MAML2: variants seen among roughly 807,000 people sequenced by gnomAD.
The protein encoded by MAML2 is mastermind-like protein 2.
MAML2 carries 22 observed loss-of-function variants against 96.1 expected under a neutral mutation model. The observed-to-expected ratio is 0.23, with a 90% CI of 0.16 to 0.33. The LOEUF (loss-of-function observed/expected upper bound fraction) is 0.33, where lower values mean the gene tolerates loss of function less well. Among genes scored for constraint, MAML2 ranks in the 10% least tolerant of loss-of-function variants. The probability of loss-of-function intolerance (pLI) is 1.00; values close to 1 mark genes in which losing one functional copy is unlikely to be tolerated. For synonymous variants in MAML2, 561 were observed against 521.3 expected (o/e 1.08, Z -1.04); for missense variants, 1,367 against 1,392.4 (o/e 0.98, Z 0.29).
chr11:96,110,379 C>A (rs1860097193), intron 1 of MAML2, among the ~76,000 whole-genome samples: 1 of 152,204 alleles, frequency 6.6e-6, no homozygotes, highest in Non-Finnish European at 1.5e-5. Flanking sequence ...ATGGAGGATT[C>A]CGCCATCTTG....
chr11:95,998,182 A>G (rs199947230), intron 2 of MAML2, among the ~76,000 whole-genome samples: 264 of 56,786 alleles, frequency 4.6e-3, no homozygotes, highest in African/African-American at 8.7e-3. Context: ...CTGTCTATCT[A>G]TCTATCCACC....
At chr11:96,259,347 G>A (rs753349538) in intron 1 of MAML2, among the ~76,000 whole-genome samples, 5 of 152,090 alleles carry the variant, frequency 3.3e-5, no homozygotes, top group African/African-American at 1.2e-4. Context: ...CCTTGCAACC[G>A]TAAGTCATTC....
At chr11:95,989,681 A>G (rs1340900963) in intron 3 of MAML2, among the ~76,000 whole-genome samples, 3 of 152,176 alleles carry the variant, frequency 2.0e-5, no homozygotes, top group Middle Eastern at 3.4e-3. Flanking sequence ...GGAGGACTGG[A>G]GTTTTCAAAA....
chr11:96,078,159 AC>A (rs1385587308), intron 2 of MAML2, among the ~76,000 whole-genome samples: 11 of 152,204 alleles, frequency 7.2e-5, no homozygotes, highest in Non-Finnish European at 1.5e-4. Flanking sequence ...TCTGGGACTT[AC>A]ATTTCTCTCT....
At chr11:95,994,742 A>G (rs1286646621) in intron 2 of MAML2, among the ~76,000 whole-genome samples, 2 of 152,168 alleles carry the variant, frequency 1.3e-5, no homozygotes, top group African/African-American at 4.8e-5. Context: ...TTTATGTAAG[A>G]CTTTCAAAAG....
At chr11:96,262,519 G>A (rs1189200175) in intron 1 of MAML2, among the ~76,000 whole-genome samples, 10 of 151,302 alleles carry the variant, frequency 6.6e-5, no homozygotes, top group East Asian at 1.9e-4. Context: ...CCGGGCTGGA[G>A]TGCAGTGGCG....
chr11:96,078,338 T>G (rs988731850), intron 2 of MAML2, among the ~76,000 whole-genome samples: 2 of 152,250 alleles, frequency 1.3e-5, no homozygotes, highest in Non-Finnish European at 2.9e-5. Flanking sequence ...TGTGTTATCA[T>G]GGATAGTTCA....
chr11:96,196,932 C>A (rs1565245255), intron 1 of MAML2, among the ~76,000 whole-genome samples: 1 of 137,852 alleles, frequency 7.3e-6, no homozygotes, highest in Non-Finnish European at 1.5e-5. Context: ...GAATTTAAAT[C>A]ACGTGTTATT....
chr11:96,336,093 T>C (rs1197718743), intron 1 of MAML2, among the ~76,000 whole-genome samples: 1 of 152,196 alleles, frequency 6.6e-6, no homozygotes, highest in Non-Finnish European at 1.5e-5. Context: ...ATGAAAATAC[T>C]GATGCCAAGA....
chr11:96,148,659 TACACACACACACACACAC>T lies in MAML2; in HGVS notation c.514-55160_514-55143del, dbSNP rs58470055. 2.1e-3 allele frequency among the ~76,000 whole-genome samples: 281 copies of T among 131,956 alleles called. 8 individuals are homozygous for T. The East Asian group carries it at 0.046, about 22-fold the overall frequency. 86.6% of individuals were successfully genotyped at this position (131,956 alleles called of 152,430 possible). A position where few individuals can be genotyped will look rare whatever the true frequency, so the allele number is the denominator to read the frequency against. Reference sequence around the variant, plus strand: ...TGAAAAGTCTGAAAATTCTGAAAAATACACACACACACACACACACACACACACACACACACACACACA... The same window carrying T: ...TGAAAAGTCTGAAAATTCTGAAAAATACACACACACACACACACACACACA... On this transcript the variant is annotated intron_variant, in intron 1 of 4. Coordinates refer to ENST00000524717, the MANE Select transcript of MAML2 (RefSeq NM_032427.4).
intron 1 of MAML2, among the ~76,000 whole-genome samples, chr11:96,306,808 G>A (rs1341748590): frequency 6.6e-6 from 1 of 152,108 alleles, no homozygotes; most frequent in Non-Finnish European, 1.5e-5. Flanking sequence ...TCGTTACAAG[G>A]GGTCTTTATA....
At chr11:96,038,387 T>C (rs1332112044) in intron 2 of MAML2, among the ~76,000 whole-genome samples, 1 of 152,228 alleles carries the variant, frequency 6.6e-6, no homozygotes, top group Non-Finnish European at 1.5e-5. Context: ...ATTTGGAATG[T>C]CTTCTACTGA....
intron 2 of MAML2, among the ~76,000 whole-genome samples, chr11:96,054,377 A>T (rs1240678686): frequency 1.3e-5 from 2 of 150,984 alleles, no homozygotes; most frequent in African/African-American, 2.4e-5. Flanking sequence ...AATGTGAAAC[A>T]ACCTGTTCTG....
At chr11:96,296,976 G>A (rs1321432605) in intron 1 of MAML2, among the ~76,000 whole-genome samples, 1 of 152,124 alleles carries the variant, frequency 6.6e-6, no homozygotes, top group East Asian at 1.9e-4. Context: ...CCTTACTGTG[G>A]TGCCCAGCCA....
At chr11:96,102,014 T>C (rs956873030) in intron 1 of MAML2, among the ~76,000 whole-genome samples, 3 of 152,216 alleles carry the variant, frequency 2.0e-5, no homozygotes, top group Non-Finnish European at 2.9e-5. Flanking sequence ...TGGTGGCTCA[T>C]GCCTGTAATC....
intron 1 of MAML2, among the ~76,000 whole-genome samples, chr11:96,160,798 A>G (rs1861091110): frequency 6.6e-6 from 1 of 152,246 alleles, no homozygotes; most frequent in African/African-American, 2.4e-5. Flanking sequence ...ATTCAATAAA[A>G]TAAGGAATAG....
rs1157544971 is a variant in MAML2 at position 96,246,392 on chromosome 11, G to A, written c.513+94991C>T. On this transcript the variant is annotated intron_variant, in intron 1 of 4. Coordinates refer to ENST00000524717, the MANE Select transcript of MAML2 (RefSeq NM_032427.4). ...AAGTTCTGAAAGGGATTTCATGTTC[G>A]GGGACATGGTTGAACTACATACAAA... Among the ~76,000 whole-genome samples the A allele has an allele frequency of 4.6e-5, 7 of 152,104 alleles. No individual in the cohort carries two copies. In the South Asian group the frequency reaches 1.0e-3, roughly 23 times the overall value.
At chr11:96,315,525 G>C (rs979672952) in intron 1 of MAML2, among the ~76,000 whole-genome samples, 1 of 152,082 alleles carries the variant, frequency 6.6e-6, no homozygotes, top group Non-Finnish European at 1.5e-5. Flanking sequence ...ACTAGTCCTA[G>C]GATCTTGTTA....
intron 3 of MAML2, among the ~76,000 whole-genome samples, 178 bp from the exon 4 acceptor site, chr11:95,985,820 AC>A (rs1161332526): frequency 6.6e-6 from 1 of 152,180 alleles, no homozygotes; most frequent in East Asian, 1.9e-4. Context: ...ATTTCAATAA[AC>A]TTCCTGTATG....
Sources: gnomAD v4.1 joint callset for allele counts (sites outside exome capture counted in the v4.1 genomes callset) on GRCh38, gnomAD v4.1.1 for gene constraint, MANE v1.5 for transcripts, NCBI Gene and HGNC (gene_info 2026-07-23, HGNC 2026-07-21) for gene names.